The following BAZ2B variants were observed in gnomAD, a reference collection of about 807,000 sequenced individuals.
BAZ2B encodes the protein bromodomain adjacent to zinc finger domain protein 2B.
BAZ2B carries 91 observed loss-of-function variants against 246.0 expected under a neutral mutation model. That is an observed-to-expected ratio of 0.37 (90% confidence interval 0.31 to 0.44). BAZ2B has a LOEUF of 0.44. BAZ2B is among the 20% of genes least tolerant of loss of function. The pLI is 1.00. For synonymous variants in BAZ2B, 855 were observed against 860.0 expected, an observed-to-expected ratio of 0.99 and a Z score of 0.10; for missense variants, 2,332 against 2,533.7, an observed-to-expected ratio of 0.92 and a Z score of 1.71.
At chr2:159,395,652 G>A (rs757436424) in intron 20 of BAZ2B, 117 bp downstream of exon 20, 57 of 913,792 alleles carry the variant, frequency 6.2e-5, no homozygotes, top group Non-Finnish European at 8.5e-5. Flanking sequence ...GTTTGCATAT[G>A]AAAACCAGTA....
intron 1 of BAZ2B, among the ~76,000 whole-genome samples, chr2:159,609,283 T>C (rs1356740538): frequency 6.6e-6 from 1 of 152,194 alleles, no homozygotes; most frequent in African/African-American, 2.4e-5. Flanking sequence ...GACTCCTTAT[T>C]AGATTTCTTC....
At chr2:159,432,664 A>T in intron 9 of BAZ2B, 93 bp downstream of exon 9, 3 of 1,467,438 alleles carry the variant, frequency 2.0e-6, no homozygotes, top group Non-Finnish European at 2.7e-6. Context: ...ATAGTAAATG[A>T]CGCTGATTTT....
chr2:159,584,400 G>A (rs777953688), intron 1 of BAZ2B, among the ~76,000 whole-genome samples: 5 of 152,166 alleles, frequency 3.3e-5, no homozygotes, highest in African/African-American at 7.2e-5. Flanking sequence ...GATTACAGGC[G>A]TGAGCCACTG....
intron 4 of BAZ2B, among the ~76,000 whole-genome samples, chr2:159,451,774 A>G (rs949825668): frequency 6.6e-6 from 1 of 152,162 alleles, no homozygotes; most frequent in African/African-American, 2.4e-5. Context: ...TCTATATAGT[A>G]GAAGTATCAA....
At chr2:159,396,939 C>A in intron 19 of BAZ2B, 1 of 508,048 alleles carries the variant, frequency 2.0e-6, no homozygotes, top group Non-Finnish European at 3.1e-6. Context: ...GTATGCAATG[C>A]ACTGTGCTGT....
At position 159,600,762 on chromosome 2, in the gene BAZ2B, G is replaced by A. The variant is rs1235599905; in HGVS notation, c.-46+15480C>T. On this transcript the variant is annotated intron_variant, in intron 1 of 36. Transcript: ENST00000392783. ...TCATAGTTGCCGTTTAGAATCATGG[G>A]GGGCCTATAAAAAGAAGTGGGGGGA... Among the ~76,000 whole-genome samples the A allele has an allele frequency of 2.6e-5, 4 of 152,258 alleles. No individual in the cohort carries two copies. The East Asian group carries it at 7.7e-4, about 29-fold the overall frequency.
intron 1 of BAZ2B, among the ~76,000 whole-genome samples, chr2:159,565,198 C>G (rs997280055): frequency 1.3e-5 from 2 of 151,934 alleles, no homozygotes; most frequent in African/African-American, 4.8e-5. Context: ...GTGTCCGTGA[C>G]AAGAATGTTG....
At chr2:159,440,660 C>T (rs973284340) in intron 6 of BAZ2B, among the ~76,000 whole-genome samples, 13 of 151,902 alleles carry the variant, frequency 8.6e-5, no homozygotes, top group South Asian at 4.2e-4. Context: ...GGATTACAGG[C>T]GCCTGCCACC....
chr2:159,490,302 AT>A (rs1241875975), intron 2 of BAZ2B, among the ~76,000 whole-genome samples: 1 of 152,212 alleles, frequency 6.6e-6, no homozygotes, highest in Non-Finnish European at 1.5e-5. Flanking sequence ...GCTTTAAAAA[AT>A]GGTCCAATTA....
intron 27 of BAZ2B, among the ~76,000 whole-genome samples, chr2:159,367,047 G>T (rs2060294139): frequency 6.6e-6 from 1 of 152,054 alleles, no homozygotes; most frequent in South Asian, 2.1e-4. Context: ...GGAACAGTAG[G>T]GTCTTTAGCT....
chr2:159,409,783 T>G (rs1303492962), intron 14 of BAZ2B, among the ~76,000 whole-genome samples: 1 of 152,208 alleles, frequency 6.6e-6, no homozygotes, highest in South Asian at 2.1e-4. Context: ...TAATAGATTA[T>G]TTACTTACTG....
chr2:159,459,606 T>C (rs1438891618), intron 3 of BAZ2B: 1 of 152,160 alleles, frequency 6.6e-6, no homozygotes, highest in Non-Finnish European at 1.5e-5. Flanking sequence ...TAGGAAAATT[T>C]TGATCATAGA....
At chr2:159,493,194 C>T (rs1242090400) in intron 2 of BAZ2B, among the ~76,000 whole-genome samples, 2 of 152,124 alleles carry the variant, frequency 1.3e-5, no homozygotes, top group East Asian at 3.8e-4. Flanking sequence ...AAAGTAATAT[C>T]TAAAAGTGCA....
At chr2:159,551,098 A>G (rs1219106682) in intron 2 of BAZ2B, among the ~76,000 whole-genome samples, 1 of 152,128 alleles carries the variant, frequency 6.6e-6, no homozygotes, top group Non-Finnish European at 1.5e-5. Flanking sequence ...TGGGCTCCCA[A>G]AGTGCTGGTA....
intron 3 of BAZ2B, among the ~76,000 whole-genome samples, chr2:159,473,779 T>G (rs2078141301): frequency 6.6e-6 from 1 of 152,362 alleles, no homozygotes; most frequent in Middle Eastern, 3.4e-3. Context: ...CTCATTGGTT[T>G]CAAGGAACAT....
intron 2 of BAZ2B, among the ~76,000 whole-genome samples, chr2:159,512,677 T>C (rs1175516088): frequency 1.3e-5 from 2 of 152,164 alleles, no homozygotes; most frequent in Non-Finnish European, 2.9e-5. Context: ...CACAGTATAG[T>C]ACAAACAAAA....
the BAZ2B span, among the ~76,000 whole-genome samples, chr2:159,702,950 A>G: frequency 1.3e-5 from 2 of 152,058 alleles, no homozygotes; most frequent in Admixed American, 1.3e-4. Flanking sequence ...AGGCTGAGGC[A>G]GGAGAATGCC....
chr2:159,346,755 T>C (rs1468550469), intron 31 of BAZ2B, among the ~76,000 whole-genome samples: 1 of 152,034 alleles, frequency 6.6e-6, no homozygotes, highest in Non-Finnish European at 1.5e-5. Flanking sequence ...TTCTAAACCT[T>C]TCATGCTTTT....
intron 2 of BAZ2B, among the ~76,000 whole-genome samples, chr2:159,493,297 T>G (rs1471076446): frequency 6.6e-6 from 1 of 152,206 alleles, no homozygotes; most frequent in Admixed American, 6.5e-5. Flanking sequence ...TAGCCATATT[T>G]TAAGTGCTCA....
Sources: gnomAD v4.1 joint callset for allele counts (sites outside exome capture counted in the v4.1 genomes callset) on GRCh38, gnomAD v4.1.1 for gene constraint, MANE v1.5 for transcripts, NCBI Gene and HGNC (gene_info 2026-07-23, HGNC 2026-07-21) for gene names.